TRMT10B: variants seen among roughly 807,000 people sequenced by gnomAD.
TRMT10B encodes the protein tRNA methyltransferase 10 homolog B.
In TRMT10B, 33 loss-of-function variants were observed where a neutral mutation model predicts 43.8. That is an observed-to-expected ratio of 0.75 (90% CI 0.57 to 1.01). TRMT10B has a LOEUF of 1.01. Ranked by LOEUF, TRMT10B falls within the 50% of genes least tolerant of loss-of-function variation. The pLI, the probability that TRMT10B is intolerant of heterozygous loss-of-function variation, is 0.00. For missense variants in TRMT10B, 362 were observed against 369.8 expected, an observed-to-expected ratio of 0.98 and a Z score of 0.17; for synonymous variants, 137 against 130.6, an observed-to-expected ratio of 1.05 and a Z score of -0.34.
chr9:37,756,148 C>G (rs1170463602), intron 1 of TRMT10B, among the ~76,000 whole-genome samples: 1 of 152,154 alleles, frequency 6.6e-6, no homozygotes, highest in Admixed American at 6.5e-5. Flanking sequence ...ATGGTCAACA[C>G]AGGTAAAAAT....
upstream of TRMT10B, among the ~76,000 whole-genome samples, chr9:37,753,160 C>T (rs1011044320): frequency 1.3e-5 from 2 of 151,760 alleles, no homozygotes; most frequent in Admixed American, 1.3e-4. Context: ...GCTAGCGAGA[C>T]CATGAACCCG....
Position 37,762,055 on chromosome 9 carries a change from G to T in TRMT10B, c.124G>T (p.Asp42Tyr), listed in dbSNP as rs369907737. Reference sequence around the variant, plus strand: ...TGAAGGCTTCCAGCTTCTGCAGATCGATGCGGAAGGCGAGTGCCAGGAGGG... The same window carrying T: ...TGAAGGCTTCCAGCTTCTGCAGATCTATGCGGAAGGCGAGTGCCAGGAGGG... ...LPEGFQLLQI[D>Y]AEGECQEGEI... The change falls in exon 2 of 9, where the codon GAT (aspartate) becomes TAT (tyrosine). Residue 42 changes from aspartate (D) to tyrosine (Y), a missense_variant. Transcript: ENST00000297994. 4 of 1,614,148 alleles carry T rather than the reference G, an allele frequency of 2.5e-6. No homozygotes were observed. Among genetic ancestry groups the T allele is most frequent in the Non-Finnish European group, 3.4e-6 (4 of 1,180,020 alleles).
chr9:37,770,924 C>T (rs185925500), intron 7 of TRMT10B, among the ~76,000 whole-genome samples, 185 bp downstream of exon 7: 139 of 152,310 alleles, frequency 9.1e-4, no homozygotes, highest in Admixed American at 2.5e-3. Context: ...GCAATGTCAG[C>T]GAAATCAAGA....
At chr9:37,769,209 G>A (rs1778637975) in intron 5 of TRMT10B, among the ~76,000 whole-genome samples, 1 of 150,084 alleles carries the variant, frequency 6.7e-6, no homozygotes, top group Non-Finnish European at 1.5e-5. Flanking sequence ...TCAGGAGGCT[G>A]AGGCAGGAGG....
intron 8 of TRMT10B, among the ~76,000 whole-genome samples, chr9:37,777,193 T>TAA (rs1564007716): frequency 7.0e-5 from 1 of 14,256 alleles, no homozygotes; most frequent in African/African-American, 4.3e-4. Context: ...CAACTCCGCC[T>TAA]CAAAAAAAAA....
chr9:37,770,686 G>T lies in TRMT10B; in HGVS notation c.667G>T (p.Asp223Tyr), dbSNP rs1009404575. ...PDSEHALEDV[D>Y]LNKVYILGGL... ...TTTTTCATTAGCTCTTGAAGATGTTGATCTAAACAAAGTTTACATCCTCGG... is the reference window on the plus strand; with the variant it reads ...TTTTTCATTAGCTCTTGAAGATGTTTATCTAAACAAAGTTTACATCCTCGG... Residue 223 changes from aspartate to tyrosine, a missense_variant, in exon 7 of 9, where the codon GAT becomes TAT. By Grantham distance (160) the Asp-to-Tyr change is radical. Coordinates refer to ENST00000297994, the MANE Select transcript of TRMT10B (RefSeq NM_144964.4). The T allele has an allele frequency of 1.2e-6, 2 of 1,613,724 alleles. No homozygotes were observed. The highest frequency in any genetic ancestry group is 8.5e-7 in the Non-Finnish European group (1 of 1,179,956).
At chr9:37,776,880 C>G (rs1391135771) in intron 8 of TRMT10B, among the ~76,000 whole-genome samples, 2 of 150,512 alleles carry the variant, frequency 1.3e-5, no homozygotes, top group Non-Finnish European at 2.9e-5. Flanking sequence ...GCCTGGGTGA[C>G]AGTGATACTC....
chr9:37,774,172 G>A (rs1315382507), intron 7 of TRMT10B, among the ~76,000 whole-genome samples: 1 of 152,008 alleles, frequency 6.6e-6, no homozygotes, highest in African/African-American at 2.4e-5. Flanking sequence ...ACCATGCCCA[G>A]CTAATTTTTT....
rs1423312688 is a variant in TRMT10B, at chr9:37,776,311, C to G, written c.750C>G (p.Tyr250Ter). Residue 250 changes from tyrosine to a stop codon, truncating the protein, a stop_gained, in exon 8 of 9, where the codon TAC becomes TAG. Transcript: ENST00000297994. LOFTEE classifies it high-confidence loss of function. Reference protein sequence around the residue: ...KKVTFQKAREYSVKTARLPIQ... With the variant: ...KKVTFQKARE Reference sequence around the variant, plus strand: ...TGACATTTCAAAAGGCCCGGGAATACTCTGTCAAGACCGCACGCTTGCCAA... The same window carrying G: ...TGACATTTCAAAAGGCCCGGGAATAGTCTGTCAAGACCGCACGCTTGCCAA... 1.3e-6 allele frequency: 2 copies of G among 1,597,410 alleles called. No individual in the cohort carries two copies. The highest frequency in any genetic ancestry group is 2.7e-5 in the African/African-American group (2 of 74,106).
At chr9:37,772,075 G>A (rs994300832) in intron 7 of TRMT10B, among the ~76,000 whole-genome samples, 1 of 152,070 alleles carries the variant, frequency 6.6e-6, no homozygotes, top group Non-Finnish European at 1.5e-5. Flanking sequence ...GCAGTGGTGC[G>A]ATCATGGCTC....
At chr9:37,752,910 T>C (rs7873428), upstream of TRMT10B, among the ~76,000 whole-genome samples, 57,682 of 151,810 alleles carry the variant, frequency 0.38, 11,242 homozygotes, top group African/African-American at 0.46. Context: ...CGGCAACCCG[T>C]TGGGGTTGCC....
At chr9:37,757,220 A>G (rs2118691285) in intron 1 of TRMT10B, among the ~76,000 whole-genome samples, 1 of 152,218 alleles carries the variant, frequency 6.6e-6, no homozygotes, top group Non-Finnish European at 1.5e-5. Flanking sequence ...AGTAGCTGGG[A>G]CTACAGGTGT....
chr9:37,760,434 A>AG (rs1826200736), intron 1 of TRMT10B, among the ~76,000 whole-genome samples: 1 of 152,224 alleles, frequency 6.6e-6, no homozygotes, highest in Non-Finnish European at 1.5e-5. Flanking sequence ...CTGAGGCGGG[A>AG]GGATTGCTTG....
intron 7 of TRMT10B, among the ~76,000 whole-genome samples, chr9:37,773,527 T>C (rs1589043911): frequency 6.6e-6 from 1 of 152,282 alleles, no homozygotes. Context: ...TTTCTTAGGT[T>C]TGAAATACTT....
intron 7 of TRMT10B, among the ~76,000 whole-genome samples, chr9:37,775,090 G>C: frequency 6.6e-6 from 1 of 152,164 alleles, no homozygotes; most frequent in East Asian, 1.9e-4. Context: ...AAAGAAAACA[G>C]AATTTTGCTC....
chr9:37,753,731 G>A (rs936741897), upstream of TRMT10B: 3 of 152,298 alleles, frequency 2.0e-5, no homozygotes, highest in African/African-American at 4.8e-5. Context: ...CGAGCACCCT[G>A]CAGGTGAAAA....
intron 1 of TRMT10B, among the ~76,000 whole-genome samples, chr9:37,760,517 CAA>C (rs1826211131): frequency 6.6e-6 from 1 of 152,066 alleles, no homozygotes; most frequent in Non-Finnish European, 1.5e-5. Flanking sequence ...GACCCTGTCT[CAA>C]AAATAGTAAT....
At chr9:37,756,110 G>A (rs1269850713) in intron 1 of TRMT10B, among the ~76,000 whole-genome samples, 1 of 152,204 alleles carries the variant, frequency 6.6e-6, no homozygotes, top group Non-Finnish European at 1.5e-5. Flanking sequence ...TACAGTAGGA[G>A]CTTGGTGGAA....
intron 4 of TRMT10B, among the ~76,000 whole-genome samples, chr9:37,764,344 CAG>C (rs375175942): frequency 0.022 from 2,638 of 120,740 alleles, 93 homozygotes; most frequent in African/African-American, 0.079. Flanking sequence ...TTTTTGGAGA[CAG>C]AGTCTCACTC....
Sources: allele counts gnomAD v4.1 joint callset (sites outside exome capture counted in the v4.1 genomes callset), GRCh38; gene constraint gnomAD v4.1.1; transcripts MANE v1.5; gene names NCBI Gene and HGNC (gene_info 2026-07-23, HGNC 2026-07-21).